The following FSTL4 variants were observed in gnomAD, a reference collection of about 807,000 sequenced individuals.
The protein encoded by FSTL4 is follistatin-related protein 4.
FSTL4 carries 28 observed loss-of-function variants against 78.2 expected under a neutral mutation model. The observed-to-expected ratio is 0.36, with a 90% CI of 0.27 to 0.49. The LOEUF (loss-of-function observed/expected upper bound fraction) is 0.49, where lower values mean the gene tolerates loss of function less well. Ranked by LOEUF, FSTL4 falls within the 20% of genes least tolerant of loss-of-function variation. The pLI is 0.98. For missense variants in FSTL4, 922 were observed against 1,084.9 expected (o/e 0.85, Z 2.11); for synonymous variants, 422 against 440.5 (o/e 0.96, Z 0.53).
At chr5:133,565,956 C>G (rs1760018007) in intron 3 of FSTL4, among the ~76,000 whole-genome samples, 1 of 152,214 alleles carries the variant, frequency 6.6e-6, no homozygotes, top group Non-Finnish European at 1.5e-5. Context: ...TCACAGTACC[C>G]ATTGTGAACA....
the FSTL4 span, among the ~76,000 whole-genome samples, chr5:133,835,322 A>T: frequency 2.6e-5 from 4 of 152,336 alleles, no homozygotes; most frequent in East Asian, 7.7e-4. Flanking sequence ...TCTCACAGCC[A>T]ATACCCATCA....
At chr5:133,284,568 C>T (rs934381410) in intron 6 of FSTL4, among the ~76,000 whole-genome samples, 3 of 152,130 alleles carry the variant, frequency 2.0e-5, no homozygotes, top group African/African-American at 4.8e-5. Context: ...TCTTCCCACT[C>T]AACCTGTGCA....
At chr5:133,536,208 C>T (rs137923091) in intron 3 of FSTL4, among the ~76,000 whole-genome samples, 41 of 152,164 alleles carry the variant, frequency 2.7e-4, no homozygotes, top group African/African-American at 7.2e-4. Context: ...CAGATAATAA[C>T]GAAGGAAAGA....
chr5:133,375,302 A>G (rs28470437), intron 4 of FSTL4, among the ~76,000 whole-genome samples: 2,422 of 112,892 alleles, frequency 0.021, 270 homozygotes, highest in African/African-American at 0.068. Context: ...ATATATATAT[A>G]TATATATATA....
the FSTL4 span, among the ~76,000 whole-genome samples, chr5:133,686,407 G>A: frequency 6.6e-6 from 1 of 152,232 alleles, no homozygotes; most frequent in African/African-American, 2.4e-5. Flanking sequence ...ATTATAAAAT[G>A]CTCACATTGT....
chr5:133,731,162 C>T, the FSTL4 span, among the ~76,000 whole-genome samples: 4 of 151,916 alleles, frequency 2.6e-5, no homozygotes, highest in Non-Finnish European at 4.4e-5. Context: ...ATATCGGGGC[C>T]GACACTGGAA....
chr5:133,214,841 T>C (rs192318178), intron 13 of FSTL4, among the ~76,000 whole-genome samples: 2 of 152,336 alleles, frequency 1.3e-5, no homozygotes, highest in African/African-American at 4.8e-5. Context: ...GAGTAGTTAT[T>C]CTCAGTAGCA....
the FSTL4 span, among the ~76,000 whole-genome samples, chr5:133,817,290 G>C: frequency 3.3e-5 from 5 of 152,198 alleles, no homozygotes; most frequent in Non-Finnish European, 7.3e-5. Flanking sequence ...TGTCTTGTCT[G>C]ACTCCAAGGC....
At chr5:133,547,508 G>A (rs1759606233) in intron 3 of FSTL4, among the ~76,000 whole-genome samples, 1 of 152,178 alleles carries the variant, frequency 6.6e-6, no homozygotes, top group Admixed American at 6.5e-5. Flanking sequence ...TAGAAATTTG[G>A]TCCCCAGTGT....
At chr5:133,476,247 A>G (rs1757923014) in intron 3 of FSTL4, among the ~76,000 whole-genome samples, 1 of 152,182 alleles carries the variant, frequency 6.6e-6, no homozygotes, top group African/African-American at 2.4e-5. Flanking sequence ...GGCAAATTCC[A>G]TTAAGCTCAG....
chr5:133,651,715 T>A, the FSTL4 span, among the ~76,000 whole-genome samples: 3 of 152,190 alleles, frequency 2.0e-5, no homozygotes, highest in Admixed American at 2.0e-4. Context: ...TTCTCATCTA[T>A]GTTTATGAAA....
chr5:133,452,070 G>A (rs1256471354), intron 3 of FSTL4, among the ~76,000 whole-genome samples: 1 of 152,218 alleles, frequency 6.6e-6, no homozygotes, highest in African/African-American at 2.4e-5. Context: ...CAGAGTATCT[G>A]GGGCTGCCGT....
At chr5:133,535,168 C>T (rs576680591) in intron 3 of FSTL4, among the ~76,000 whole-genome samples, 1 of 152,318 alleles carries the variant, frequency 6.6e-6, no homozygotes, top group East Asian at 1.9e-4. Context: ...CCAGGTAGAG[C>T]ACCCTCACCA....
the FSTL4 span, among the ~76,000 whole-genome samples, chr5:133,618,014 A>T: frequency 6.6e-6 from 1 of 152,192 alleles, no homozygotes; most frequent in South Asian, 2.1e-4. Context: ...CAAATGCAGT[A>T]GCCCTTCGTT....
chr5:133,700,920 T>A, the FSTL4 span, among the ~76,000 whole-genome samples: 1 of 152,212 alleles, frequency 6.6e-6, no homozygotes, highest in African/African-American at 2.4e-5. Context: ...TAATGTCGAA[T>A]GACAAAAAGG....
intron 6 of FSTL4, among the ~76,000 whole-genome samples, chr5:133,289,251 A>C (rs1484095667): frequency 6.6e-6 from 1 of 152,162 alleles, no homozygotes; most frequent in Non-Finnish European, 1.5e-5. Context: ...TACTGAAGGA[A>C]TTATATTCTT....
chr5:133,226,127 A>C (rs1751325341), intron 8 of FSTL4, among the ~76,000 whole-genome samples: 1 of 152,236 alleles, frequency 6.6e-6, no homozygotes, highest in South Asian at 2.1e-4. Flanking sequence ...TGTAAAGAGC[A>C]GCAGCCACTG....
At chr5:133,531,218 T>C (rs1759245588) in intron 3 of FSTL4, among the ~76,000 whole-genome samples, 1 of 152,194 alleles carries the variant, frequency 6.6e-6, no homozygotes, top group African/African-American at 2.4e-5. Flanking sequence ...CTTGTCAACA[T>C]GTTCCTTTAA....
intron 7 of FSTL4, among the ~76,000 whole-genome samples, chr5:133,234,478 C>T (rs1453597761): frequency 6.6e-6 from 1 of 152,236 alleles, no homozygotes; most frequent in African/African-American, 2.4e-5. Flanking sequence ...CAGCTGCATT[C>T]CCTTTTGCAG....
Sources: allele counts gnomAD v4.1 joint callset (sites outside exome capture counted in the v4.1 genomes callset), GRCh38; gene constraint gnomAD v4.1.1; transcripts MANE v1.5; gene names NCBI Gene and HGNC (gene_info 2026-07-23, HGNC 2026-07-21).